The following ARHGEF3 variants were observed in gnomAD, a reference collection of about 807,000 sequenced individuals.
The protein encoded by ARHGEF3 is Rho guanine nucleotide exchange factor 3.
ARHGEF3 carries 28 observed loss-of-function variants against 63.2 expected under a neutral mutation model. That is an observed-to-expected ratio of 0.44 (90% CI 0.33 to 0.61). ARHGEF3 has a LOEUF of 0.61. Among genes scored for constraint, ARHGEF3 ranks in the 20% least tolerant of loss-of-function variants. The pLI is 0.03. For missense variants in ARHGEF3, 533 were observed against 659.3 expected (o/e 0.81, Z 2.10); for synonymous variants, 266 against 254.2 (o/e 1.05, Z -0.44).
At chr3:56,970,947 C>T (rs560919104) in intron 2 of ARHGEF3, among the ~76,000 whole-genome samples, 9 of 152,272 alleles carry the variant, frequency 5.9e-5, no homozygotes, top group Non-Finnish European at 1.2e-4. Flanking sequence ...TCTCACAGGG[C>T]TGTTGTGAGG....
chr3:56,971,288 G>A (rs571453164), intron 2 of ARHGEF3, among the ~76,000 whole-genome samples: 12 of 152,228 alleles, frequency 7.9e-5, no homozygotes, highest in South Asian at 2.1e-4. Flanking sequence ...CTAAGCGCCC[G>A]GCAGGGACCC....
At chr3:56,777,919 T>C (rs2036361986) in intron 1 of ARHGEF3, among the ~76,000 whole-genome samples, 1 of 152,192 alleles carries the variant, frequency 6.6e-6, no homozygotes. Flanking sequence ...TAGCAGATAC[T>C]CTTACCCATG....
chr3:57,036,793 G>T (rs115480750), intron 1 of ARHGEF3, among the ~76,000 whole-genome samples: 4 of 152,342 alleles, frequency 2.6e-5, no homozygotes, highest in Admixed American at 6.5e-5. Context: ...AGTGCTGGCT[G>T]AATGGTCCAG....
chr3:56,863,273 G>C (rs1042825380), intron 4 of ARHGEF3, among the ~76,000 whole-genome samples: 2 of 151,108 alleles, frequency 1.3e-5, no homozygotes, highest in Admixed American at 1.3e-4. Flanking sequence ...GAGTAGCTGG[G>C]ATTCAGGTGT....
Position 56,818,003 on chromosome 3 carries a change from T to G in ARHGEF3, c.193-44187A>C, listed in dbSNP as rs150021268. On this transcript the variant is annotated intron_variant, in intron 4 of 12. Coordinates refer to the ARHGEF3 transcript ENST00000338458. ...GTCATTTAACTTTCCTGGACCCTGTTTTGATCAAACAGAATGTACTGGATT... is the reference window on the plus strand; with the variant it reads ...GTCATTTAACTTTCCTGGACCCTGTGTTGATCAAACAGAATGTACTGGATT... Among the ~76,000 whole-genome samples the G allele has an allele frequency of 4.6e-5, 7 of 152,328 alleles. 1 individual carries two copies. Among genetic ancestry groups the G allele is most frequent in the African/African-American group, 1.7e-4 (7 of 41,572 alleles).
chr3:57,001,186 T>C (rs902812691), intron 2 of ARHGEF3, among the ~76,000 whole-genome samples: 2 of 152,306 alleles, frequency 1.3e-5, no homozygotes, highest in Admixed American at 1.3e-4. Flanking sequence ...GCAATCCACC[T>C]GCTTCAGCCT....
At chr3:56,826,881 C>G (rs1447582289) in intron 4 of ARHGEF3, among the ~76,000 whole-genome samples, 1 of 152,108 alleles carries the variant, frequency 6.6e-6, no homozygotes, top group Non-Finnish European at 1.5e-5. Flanking sequence ...CCAACTCTGA[C>G]CACATTTGGA....
intron 4 of ARHGEF3, among the ~76,000 whole-genome samples, chr3:56,830,720 C>G (rs2038904588): frequency 6.6e-6 from 1 of 152,170 alleles, no homozygotes; most frequent in Admixed American, 6.5e-5. Flanking sequence ...CCATGATGCT[C>G]CAGCACAGTG....
intron 4 of ARHGEF3, among the ~76,000 whole-genome samples, chr3:56,829,156 C>A (rs531219557): frequency 6.6e-6 from 1 of 152,214 alleles, no homozygotes; most frequent in South Asian, 2.1e-4. Context: ...AAACTCCTGA[C>A]CTCAAGTGAT....
intron 4 of ARHGEF3, among the ~76,000 whole-genome samples, chr3:56,815,513 A>G (rs922640937): frequency 3.3e-5 from 5 of 152,322 alleles, no homozygotes; most frequent in Non-Finnish European, 7.4e-5. Context: ...ATTAAGCTCA[A>G]TGTACTCATT....
intron 4 of ARHGEF3, among the ~76,000 whole-genome samples, chr3:56,858,951 T>C (rs1383236251): frequency 6.6e-6 from 1 of 152,132 alleles, no homozygotes; most frequent in Non-Finnish European, 1.5e-5. Flanking sequence ...CTGAACCCTA[T>C]GGACCTCTGC....
intron 3 of ARHGEF3, among the ~76,000 whole-genome samples, chr3:56,941,662 ACT>A (rs765530069): frequency 1.4e-4 from 22 of 152,302 alleles, no homozygotes; most frequent in South Asian, 8.3e-4. Flanking sequence ...GGCAATACAC[ACT>A]CTCTTTAAAA....
chr3:56,986,870 T>C (rs1166022738), intron 2 of ARHGEF3, among the ~76,000 whole-genome samples: 1 of 126,962 alleles, frequency 7.9e-6, no homozygotes, highest in East Asian at 2.1e-4. Flanking sequence ...TTAATAGTAA[T>C]GATGGTCCAT....
chr3:57,036,821 C>G (rs1164612204), intron 1 of ARHGEF3, among the ~76,000 whole-genome samples: 1 of 152,228 alleles, frequency 6.6e-6, no homozygotes, highest in African/African-American at 2.4e-5. Context: ...GCATCCACTA[C>G]TTTGATTACT....
At chr3:56,960,001 T>A (rs1700211301) in intron 2 of ARHGEF3, among the ~76,000 whole-genome samples, 1 of 152,138 alleles carries the variant, frequency 6.6e-6, no homozygotes, top group African/African-American at 2.4e-5. Flanking sequence ...CCCAAAAGGT[T>A]GGTTACACAA....
At chr3:56,932,479 C>T (rs1472695839) in intron 3 of ARHGEF3, among the ~76,000 whole-genome samples, 1 of 152,138 alleles carries the variant, frequency 6.6e-6, no homozygotes, top group Non-Finnish European at 1.5e-5. Context: ...TCTTCCTCAA[C>T]CTCCCCTTGT....
intron 3 of ARHGEF3, among the ~76,000 whole-genome samples, chr3:56,892,092 C>A (rs1578775294): frequency 1.3e-5 from 2 of 152,254 alleles, no homozygotes; most frequent in Middle Eastern, 3.4e-3. Context: ...CACCACCAAC[C>A]CTGATGGCTA....
intron 2 of ARHGEF3, among the ~76,000 whole-genome samples, chr3:57,033,415 GTAAA>G (rs1381880156): frequency 1.1e-4 from 15 of 140,172 alleles, no homozygotes; most frequent in African/African-American, 4.2e-4. Context: ...CTTGGCTGCA[GTAAA>G]AAAAAAAAAA....
intron 1 of ARHGEF3, among the ~76,000 whole-genome samples, chr3:56,777,738 G>A (rs73077882): frequency 1.3e-5 from 2 of 152,244 alleles, no homozygotes; most frequent in Non-Finnish European, 2.9e-5. Flanking sequence ...TCTATGTCAT[G>A]TCTGCAGCTG....
Sources: gnomAD v4.1 joint callset for allele counts (sites outside exome capture counted in the v4.1 genomes callset) on GRCh38, gnomAD v4.1.1 for gene constraint, MANE v1.5 for transcripts, NCBI Gene and HGNC (gene_info 2026-07-23, HGNC 2026-07-21) for gene names.